AMBRA1: variants seen among roughly 807,000 people sequenced by gnomAD.
AMBRA1 encodes autophagy and beclin 1 regulator 1.
Under a neutral mutation model 125.4 loss-of-function variants are expected in AMBRA1, and 47 were observed. The ratio of observed to expected loss-of-function variants is 0.37; its 90% CI spans 0.30 to 0.48. The LOEUF (loss-of-function observed/expected upper bound fraction) is 0.48, where lower values mean the gene tolerates loss of function less well. AMBRA1 is among the 20% of genes least tolerant of loss of function. The probability of loss-of-function intolerance (pLI) is 0.99; values close to 1 mark genes in which losing one functional copy is unlikely to be tolerated. For missense variants in AMBRA1, 1,331 were observed against 1,693.4 expected (o/e 0.79, Z 3.76); for synonymous variants, 626 against 655.5 (o/e 0.95, Z 0.69).
intron 11 of AMBRA1, among the ~76,000 whole-genome samples, chr11:46,471,422 C>CA (rs1480208395): frequency 2.0e-5 from 3 of 151,594 alleles, no homozygotes; most frequent in East Asian, 2.0e-4. Flanking sequence ...ACTAAAAATA[C>CA]AAAAAATTAG....
intron 7 of AMBRA1, among the ~76,000 whole-genome samples, chr11:46,522,798 T>G (rs139706260): frequency 1.3e-5 from 2 of 152,294 alleles, no homozygotes; most frequent in East Asian, 3.9e-4. Flanking sequence ...CCTGTGAAGG[T>G]CTTAAAAAAC....
intron 1 of AMBRA1, among the ~76,000 whole-genome samples, chr11:46,572,256 G>A (rs1453596351): frequency 2.6e-5 from 4 of 151,952 alleles, no homozygotes; most frequent in African/African-American, 9.7e-5. Context: ...AGCAGAGATC[G>A]TGCAACTGCA....
chr11:46,506,502 A>T (rs1951039580), intron 9 of AMBRA1, among the ~76,000 whole-genome samples: 1 of 152,214 alleles, frequency 6.6e-6, no homozygotes, highest in Non-Finnish European at 1.5e-5. Context: ...CACACTAAAA[A>T]GCTTTGTTGC....
intron 17 of AMBRA1, among the ~76,000 whole-genome samples, chr11:46,401,989 C>A (rs987569751): frequency 1.3e-5 from 2 of 152,200 alleles, no homozygotes; most frequent in African/African-American, 4.8e-5. Context: ...AGGTACCCGG[C>A]AGCCCTGCTC....
chr11:46,427,712 T>TA (rs1191523216), intron 14 of AMBRA1, among the ~76,000 whole-genome samples: 1 of 152,084 alleles, frequency 6.6e-6, no homozygotes. Flanking sequence ...TGTAGGTCTA[T>TA]AAAAAATGGT....
In AMBRA1 at chr11:46,547,403, T is replaced by C. The variant is rs1565281708; in HGVS notation, c.195-107A>G. 5 of 955,524 alleles carry C rather than the reference T, an allele frequency of 5.2e-6. No homozygotes were observed. In the East Asian group the frequency reaches 1.3e-4, roughly 24 times the overall value. The allele number at this position is 955,524 out of a possible 1,614,324, so 59.2% of individuals were successfully genotyped here. A position where few individuals can be genotyped will look rare whatever the true frequency, so the allele number is the denominator to read the frequency against. On this transcript the variant is annotated intron_variant, in intron 3 of 17. Coordinates refer to ENST00000683756, the MANE Select transcript of AMBRA1 (RefSeq NM_001387011.1). ...TTGATGCTACCTGCCAATCCCAACA[T>C]GAAAGAAACTAAGCTTTGTATGTTA...
At chr11:46,449,110 T>TC (rs1948450746) in intron 11 of AMBRA1, among the ~76,000 whole-genome samples, 2 of 152,088 alleles carry the variant, frequency 1.3e-5, no homozygotes, top group South Asian at 4.2e-4. Context: ...CTAGATACTT[T>TC]CCCCCTAAGA....
At chr11:46,428,172 A>G (rs1025794876) in intron 14 of AMBRA1, among the ~76,000 whole-genome samples, 1 of 152,126 alleles carries the variant, frequency 6.6e-6, no homozygotes, top group African/African-American at 2.4e-5. Flanking sequence ...CAAGAAAGGA[A>G]GAAAGAAGAA....
intron 11 of AMBRA1, among the ~76,000 whole-genome samples, chr11:46,455,969 C>CTATA (rs1427872205): frequency 4.6e-5 from 7 of 152,128 alleles, no homozygotes; most frequent in Non-Finnish European, 1.0e-4. Flanking sequence ...TATCACCATG[C>CTATA]TATAGACTTG....
chr11:46,407,522 C>G lies in AMBRA1; in HGVS notation c.3403+991G>C, dbSNP rs867409687. Reference sequence around the variant, plus strand: ...AGGCTCACAGCGGAGGTTGGCTGCTCCAGCCAGCACCACCTTATGGTCATG... The same window carrying G: ...AGGCTCACAGCGGAGGTTGGCTGCTGCAGCCAGCACCACCTTATGGTCATG... On this transcript the variant is annotated intron_variant, in intron 17 of 17. Transcript: ENST00000683756. Among the ~76,000 whole-genome samples, 34 of 152,354 alleles carry G rather than the reference C, an allele frequency of 2.2e-4. No homozygotes were observed. In the Middle Eastern group the frequency reaches 0.01, roughly 46 times the overall value.
chr11:46,503,716 G>C (rs937912442), intron 9 of AMBRA1, among the ~76,000 whole-genome samples: 1 of 152,156 alleles, frequency 6.6e-6, no homozygotes, highest in Admixed American at 6.5e-5. Context: ...AATTAGAATA[G>C]TTAAGAAAAT....
At position 46,547,861 on chromosome 11, in the gene AMBRA1, C is replaced by T. The variant is rs898620676; in HGVS notation, c.150G>A (p.Pro50=). The change falls in exon 3 of 18, where the codon CCG becomes CCA. Residue 50 remains proline (P), a synonymous_variant. Transcript: ENST00000683756. ...ATAAGAAGGTAGAGCGTGGACTATC[C>T]GGCAGTTCTACTCTCTGGGAGACAA... ...MKWEGKRVEL[P]DSPRSTFLLA... is the part of the protein sequence containing the mutation. The T allele has an allele frequency of 4.5e-5, 72 of 1,606,112 alleles. No homozygotes were observed. The highest frequency in any genetic ancestry group is 1.7e-4 in the Middle Eastern group (1 of 6,050).
chr11:46,410,423 G>T, intron 15 of AMBRA1, 55 bp from the exon 16 acceptor site: 1 of 1,468,130 alleles, frequency 6.8e-7, no homozygotes, highest in Non-Finnish European at 9.5e-7. Context: ...AGAGAGGGAA[G>T]GATAAGAGCT....
chr11:46,578,842 CTGCA>C (rs2044062054), intron 1 of AMBRA1, among the ~76,000 whole-genome samples: 1 of 119,622 alleles, frequency 8.4e-6, no homozygotes, highest in Non-Finnish European at 1.6e-5. Flanking sequence ...GATTGCACCA[CTGCA>C]TGCACTCCAG....
At chr11:46,579,944 CTCA>C (rs1394005140) in intron 1 of AMBRA1, among the ~76,000 whole-genome samples, 2 of 152,174 alleles carry the variant, frequency 1.3e-5, no homozygotes, top group Non-Finnish European at 2.9e-5. Context: ...AACTCCTGAC[CTCA>C]TGTGATCTAC....
intron 11 of AMBRA1, among the ~76,000 whole-genome samples, chr11:46,475,781 ACTT>A (rs1255519308): frequency 2.2e-4 from 33 of 152,222 alleles, no homozygotes; most frequent in Non-Finnish European, 1.8e-4. Flanking sequence ...CTTGTCGCAT[ACTT>A]CTTTTTTACT....
chr11:46,505,387 A>G lies in AMBRA1; in HGVS notation c.2339+2804T>C, dbSNP rs571374187. 1.5e-3 allele frequency among the ~76,000 whole-genome samples: 222 copies of G among 152,296 alleles called. 1 individual carries two copies. The highest frequency in any genetic ancestry group is 2.9e-3 in the South Asian group (14 of 4,824). On this transcript the variant is annotated intron_variant, in intron 9 of 17. Coordinates refer to ENST00000683756, the MANE Select transcript of AMBRA1 (RefSeq NM_001387011.1). ...TGGGCAGGGAAGGAGACAGAGAAAGAATAAACAGTCAGTTTCAACCAGCCA... is the reference window on the plus strand; with the variant it reads ...TGGGCAGGGAAGGAGACAGAGAAAGGATAAACAGTCAGTTTCAACCAGCCA...
intron 11 of AMBRA1, among the ~76,000 whole-genome samples, chr11:46,470,733 A>C (rs1018836789): frequency 6.6e-6 from 1 of 152,102 alleles, no homozygotes; most frequent in African/African-American, 2.4e-5. Context: ...ACCATACTCC[A>C]GCCTGGGTGA....
rs1401923303 is a variant in AMBRA1 at position 46,542,376 on chromosome 11, G to A, written c.1641C>T (p.His547=). 1 of 1,614,098 alleles carries A rather than the reference G, an allele frequency of 6.2e-7. No individual in the cohort carries two copies. The highest frequency in any genetic ancestry group is 8.5e-7 in the Non-Finnish European group (1 of 1,180,026). Residue 547 remains histidine, a synonymous_variant, in exon 7 of 18, where the codon CAC becomes CAT. Transcript: ENST00000683756. The surrounding 1 kb of genome is among the most constrained non-coding windows in gnomAD (Gnocchi z 5.9). ...TCTCACTGCTGTGTGGGGTGGGCTG[G>A]TGGGAAGGGCCTGGCCTCTCAGATT... The part of the protein sequence containing the change: ...NIESERPGPS[H]QPTPHSSENN...
Sources: allele counts gnomAD v4.1 joint callset (sites outside exome capture counted in the v4.1 genomes callset), GRCh38; gene constraint gnomAD v4.1.1; non-coding constraint Gnocchi (gnomAD v3.1); transcripts MANE v1.5; gene names NCBI Gene and HGNC (gene_info 2026-07-23, HGNC 2026-07-21).